Variants in FIRRM observed in about 807,000 individuals in gnomAD.
The protein encoded by FIRRM is FIGNL1-interacting regulator of recombination and mitosis.
the FIRRM span, chr1:169,849,849 T>C: frequency 7.8e-6 from 4 of 516,084 alleles, no homozygotes; most frequent in Admixed American, 1.4e-4. Context: ...GGCCTACTGA[T>C]ACAGACAGAC....
chr1:169,787,419 C>T, the FIRRM span, among the ~76,000 whole-genome samples: 58 of 152,166 alleles, frequency 3.8e-4, no homozygotes, highest in Non-Finnish European at 1.2e-4. Flanking sequence ...CACTATCTCC[C>T]TCCCTGGTAG....
chr1:169,849,998 G>A, the FIRRM span: 4 of 501,490 alleles, frequency 8.0e-6, no homozygotes, highest in African/African-American at 5.7e-5. Flanking sequence ...TGCATTTGCT[G>A]TATAGTCATG....
chr1:169,798,051 G>A, the FIRRM span, among the ~76,000 whole-genome samples: 1 of 116,344 alleles, frequency 8.6e-6, no homozygotes, highest in Non-Finnish European at 1.9e-5. Context: ...AAGATAGAAG[G>A]TGATGAGTGA....
the FIRRM span, among the ~76,000 whole-genome samples, chr1:169,812,078 A>G: frequency 2.0e-5 from 3 of 152,192 alleles, no homozygotes; most frequent in South Asian, 6.2e-4. Flanking sequence ...TGGGACTGTT[A>G]AGTTATTTGT....
At chr1:169,796,156 A>G in the FIRRM span, among the ~76,000 whole-genome samples, 1 of 152,260 alleles carries the variant, frequency 6.6e-6, no homozygotes, top group African/African-American at 2.4e-5. Flanking sequence ...CATTAGCAAA[A>G]TCTCAGAAGG....
At chr1:169,852,853 A>T in the FIRRM span, 1 of 1,614,184 alleles carries the variant, frequency 6.2e-7, no homozygotes, top group Non-Finnish European at 8.5e-7. Context: ...AGCGCTGCAT[A>T]CAATAGCAGG....
chr1:169,852,730 AAAGG>A, the FIRRM span: 1 of 1,563,100 alleles, frequency 6.4e-7, no homozygotes, highest in African/African-American at 1.4e-5. Flanking sequence ...CTCCAGTCCA[AAAGG>A]AAGGTTCTTT....
At chr1:169,812,985 C>T in the FIRRM span, among the ~76,000 whole-genome samples, 1 of 152,096 alleles carries the variant, frequency 6.6e-6, no homozygotes, top group African/African-American at 2.4e-5. Context: ...AGCGAACCAT[C>T]CAACTCTGTT....
the FIRRM span, among the ~76,000 whole-genome samples, chr1:169,788,225 T>C: frequency 6.6e-6 from 1 of 152,196 alleles, no homozygotes; most frequent in South Asian, 2.1e-4. Context: ...TGGTCAGTTA[T>C]ACGCAGATTT....
At chr1:169,827,888 C>T in the FIRRM span, 1 of 1,587,162 alleles carries the variant, frequency 6.3e-7, no homozygotes, top group South Asian at 1.1e-5. Flanking sequence ...GTTAAGAAGG[C>T]CCTGTTGTTT....
At chr1:169,845,313 T>C in the FIRRM span, among the ~76,000 whole-genome samples, 4 of 152,218 alleles carry the variant, frequency 2.6e-5, no homozygotes, top group Non-Finnish European at 5.9e-5. Context: ...AAACATAATC[T>C]TTTTGGTAGT....
chr1:169,821,532 T>TA, the FIRRM span: 1 of 484,054 alleles, frequency 2.1e-6, no homozygotes, highest in Non-Finnish European at 3.6e-6. Flanking sequence ...AAAGAGGAGT[T>TA]ATATTTTCTC....
the FIRRM span, chr1:169,852,790 C>G: frequency 6.2e-7 from 1 of 1,612,212 alleles, no homozygotes; most frequent in Admixed American, 1.7e-5. Flanking sequence ...TTTTTTCCAG[C>G]CTTATGCAAA....
the FIRRM span, among the ~76,000 whole-genome samples, chr1:169,790,475 C>T: frequency 1.3e-5 from 2 of 152,080 alleles, no homozygotes. Flanking sequence ...TGTGAGCCAC[C>T]ATGCCTGGCC....
the FIRRM span, among the ~76,000 whole-genome samples, chr1:169,828,025 C>T: frequency 6.6e-6 from 1 of 151,688 alleles, no homozygotes; most frequent in Non-Finnish European, 1.5e-5. Context: ...ATATATAAAC[C>T]TATATTAGAT....
the FIRRM span, among the ~76,000 whole-genome samples, chr1:169,800,661 A>T: frequency 2.0e-4 from 30 of 150,470 alleles, no homozygotes; most frequent in African/African-American, 6.6e-4. Flanking sequence ...AGATGTACAC[A>T]CACCTATTTA....
chr1:169,847,313 TAAAAAAAAAAA>T, the FIRRM span, among the ~76,000 whole-genome samples: 2 of 86,336 alleles, frequency 2.3e-5, no homozygotes, highest in African/African-American at 4.4e-5. Flanking sequence ...CTTATATTTC[TAAAAAAAAAAA>T]AAAAAAAAAA....
the FIRRM span, chr1:169,827,798 C>A: frequency 2.8e-5 from 45 of 1,613,942 alleles, no homozygotes; most frequent in Non-Finnish European, 3.5e-5. Context: ...GAAGTGCAAA[C>A]CCTGTGGTGC....
chr1:169,785,129 GC>G, the FIRRM span, among the ~76,000 whole-genome samples: 2 of 152,160 alleles, frequency 1.3e-5, no homozygotes, highest in Non-Finnish European at 1.5e-5. Flanking sequence ...GAGTTCTCTG[GC>G]CCCCCTCGCA....
Sources: allele counts gnomAD v4.1 joint callset (sites outside exome capture counted in the v4.1 genomes callset), GRCh38; gene constraint gnomAD v4.1.1; transcripts MANE v1.5; gene names NCBI Gene and HGNC (gene_info 2026-07-23, HGNC 2026-07-21).